The following PAOX variants were observed in gnomAD, a reference collection of about 807,000 sequenced individuals.
The protein encoded by PAOX is polyamine oxidase.
A neutral mutation model predicts 39.0 loss-of-function variants in PAOX; 38 were observed. The ratio of observed to expected loss-of-function variants is 0.97; its 90% CI spans 0.75 to 1.28. The LOEUF is 1.28. Ranked by LOEUF, PAOX falls within the 50% of genes most tolerant of loss-of-function variation. The pLI, the probability that PAOX is intolerant of heterozygous loss-of-function variation, is 0.00. For synonymous variants in PAOX, 311 were observed against 314.4 expected (o/e 0.99, Z 0.11); for missense variants, 667 against 685.7 (o/e 0.97, Z 0.30).
At chr10:133,386,754 G>A (rs369154762) in intron 4 of PAOX, among the ~76,000 whole-genome samples, 8 of 152,194 alleles carry the variant, frequency 5.3e-5, no homozygotes, top group African/African-American at 7.2e-5. Context: ...GATTACAGGC[G>A]TGAGCTACTG....
At chr10:133,388,821 G>C (rs1269776938) in intron 4 of PAOX, 135 bp from the exon 5 acceptor site, 1 of 260,944 alleles carries the variant, frequency 3.8e-6, no homozygotes, top group African/African-American at 4.5e-5. Flanking sequence ...GCTGGACACT[G>C]TCATCCCGGG....
At chr10:133,386,172 G>C (rs1024644024) in intron 4 of PAOX, among the ~76,000 whole-genome samples, 2 of 150,040 alleles carry the variant, frequency 1.3e-5, no homozygotes, top group African/African-American at 2.5e-5. Flanking sequence ...TTATAGGTGT[G>C]TGCCACCATG....
intron 6 of PAOX, chr10:133,391,011 T>G: frequency 1.4e-6 from 1 of 700,112 alleles, no homozygotes; most frequent in Non-Finnish European, 2.6e-6. Flanking sequence ...TGAGCCGTTT[T>G]CCCGCCCGTT....
In PAOX at chr10:133,381,626, C is replaced by T. The variant is rs780195959; in HGVS notation, c.835C>T (p.Pro279Ser). The T allele has an allele frequency of 3.7e-6, 6 of 1,613,180 alleles. No homozygotes were observed. Among genetic ancestry groups the T allele is most frequent in the Non-Finnish European group, 1.7e-6 (2 of 1,180,010 alleles). The change falls in exon 3 of 7, where the codon CCG (proline) becomes TCG (serine). Residue 279 changes from proline to serine, a missense_variant. Pro to Ser is a moderately conservative substitution (Grantham distance 74). Coordinates refer to ENST00000278060, the MANE Select transcript of PAOX (RefSeq NM_152911.4). ...SVECEDGDRF[P>S]AHHVIVTVPL... ...AGAGTGTGAGGATGGAGACCGGTTCCCGGCGCACCATGTCATCGTCACCGT... is the reference window on the plus strand; with the variant it reads ...AGAGTGTGAGGATGGAGACCGGTTCTCGGCGCACCATGTCATCGTCACCGT...
intron 1 of PAOX, 126 bp downstream of exon 1, chr10:133,379,623 G>T (rs547215332): frequency 2.5e-6 from 2 of 806,640 alleles, no homozygotes; most frequent in Non-Finnish European, 3.3e-6. Flanking sequence ...GGGAATCCCC[G>T]CTCGCTTAAT....
At chr10:133,391,282 C>T (rs747312966) in intron 6 of PAOX, 30 bp from the exon 7 acceptor site, 62 of 1,602,448 alleles carry the variant, frequency 3.9e-5, no homozygotes, top group Non-Finnish European at 5.1e-5. Context: ...TGAATTGCAT[C>T]CCCATTCTAA....
At chr10:133,382,968 T>G (rs575501107) in intron 3 of PAOX, 1 of 152,348 alleles carries the variant, frequency 6.6e-6, no homozygotes, top group African/African-American at 2.4e-5. Context: ...TGCTAAGTGC[T>G]GATCACGGGG....
intron 6 of PAOX, chr10:133,391,015 G>A (rs545803100): frequency 1.1e-5 from 8 of 699,162 alleles, no homozygotes; most frequent in Middle Eastern, 2.3e-4. Flanking sequence ...CCGTTTTCCC[G>A]CCCGTTGGTG....
chr10:133,385,684 C>T (rs931124685), intron 4 of PAOX, among the ~76,000 whole-genome samples: 2 of 152,128 alleles, frequency 1.3e-5, no homozygotes, highest in African/African-American at 4.8e-5. Context: ...CCTGGGTTCA[C>T]GCCATTCTCC....
intron 6 of PAOX, 51 bp from the exon 7 acceptor site, chr10:133,391,261 A>T (rs1213549292): frequency 6.4e-7 from 1 of 1,569,292 alleles, no homozygotes; most frequent in Admixed American, 1.7e-5. Context: ...CCTTGCCCAG[A>T]CCCTGCTGTC....
chr10:133,391,266 G>A (rs1589903373), intron 6 of PAOX, 46 bp from the exon 7 acceptor site: 9 of 1,577,210 alleles, frequency 5.7e-6, no homozygotes, highest in Middle Eastern at 1.7e-4. Flanking sequence ...CCCAGACCCT[G>A]CTGTCTGAAT....
Position 133,389,679 on chromosome 10 carries a change from GTGGGCAGTAC to G in PAOX, c.1329_1338del (p.Ser444AlafsTer79). 1 of 1,611,384 alleles carries G rather than the reference GTGGGCAGTAC, an allele frequency of 6.2e-7. No homozygotes were observed. Among genetic ancestry groups the G allele is most frequent in the African/African-American group, 1.3e-5 (1 of 75,004 alleles). On this transcript the variant is annotated frameshift_variant, in exon 6 of 7. Coordinates refer to ENST00000278060, the MANE Select transcript of PAOX (RefSeq NM_152911.4). LOFTEE classifies it high-confidence loss of function. ...TAGGGGGTCCTACAGCTACGTGGCC[GTGGGCAGTAC>G]TGGGGGCGACCTGGACCTGCTGGCT...
In PAOX at chr10:133,384,613, A is replaced by G. The variant is rs1477680143; in HGVS notation, c.1121+401A>G. 6.6e-6 allele frequency among the ~76,000 whole-genome samples: 1 copy of G among 152,168 alleles called. No individual in the cohort carries two copies. The highest frequency in any genetic ancestry group is 1.9e-4 in the East Asian group (1 of 5,188). On this transcript the variant is annotated intron_variant, in intron 4 of 6. Coordinates refer to ENST00000278060, the MANE Select transcript of PAOX (RefSeq NM_152911.4). This position sits in a 1 kb window ranked among gnomAD's most constrained non-coding sequence, Gnocchi z 4.3. The stretch of plus-strand genomic sequence containing the variant: ...AAATAATTGAAGGAAACATTCCGAG[A>G]AGTAATGGAATGGGAGACCCACAGA...
At chr10:133,379,899 C>T (rs535458475) in intron 1 of PAOX, 100 bp from the exon 2 acceptor site, 46 of 1,445,906 alleles carry the variant, frequency 3.2e-5, no homozygotes, top group African/African-American at 3.0e-4. Flanking sequence ...TGTGGTACAT[C>T]CTCCTTGGGA....
intron 4 of PAOX, among the ~76,000 whole-genome samples, chr10:133,385,446 C>T (rs1029586940): frequency 8.4e-6 from 1 of 119,440 alleles, no homozygotes; most frequent in Admixed American, 9.8e-5. Context: ...CAGTGGGACC[C>T]TGAGTGCTTT....
chr10:133,381,056 G>A (rs1287616524), intron 2 of PAOX, among the ~76,000 whole-genome samples: 1 of 152,272 alleles, frequency 6.6e-6, no homozygotes, highest in Non-Finnish European at 1.5e-5. Context: ...GAGGGGGCCA[G>A]ACAGGCCCTC....
rs1849597271 is a variant in PAOX at position 133,388,997 on chromosome 10, C to G, written c.1163C>G (p.Ser388Cys). Residue 388 changes from serine (S) to cysteine (C), a missense_variant, in exon 5 of 7, where the codon TCT (serine) becomes TGT (cysteine). Physicochemically the swap from Ser to Cys is moderately radical, Grantham distance 112. Coordinates refer to ENST00000278060, the MANE Select transcript of PAOX (RefSeq NM_152911.4). ...TGTGGGTTCATTGCCGGACTTGAGT[C>G]TGAGTTCATGGAGACTCTGTCGGAT... is the stretch of plus-strand genomic sequence containing the variant. ...VLCGFIAGLE[S>C]EFMETLSDEE... is the part of the protein sequence containing the mutation. 1.2e-6 allele frequency: 2 copies of G among 1,614,038 alleles called. No individual in the cohort carries two copies. The highest frequency in any genetic ancestry group is 1.7e-6 in the Non-Finnish European group (2 of 1,180,036).
At chr10:133,390,912 C>A (rs1041224644) in intron 6 of PAOX, 3 of 480,388 alleles carry the variant, frequency 6.2e-6, no homozygotes, top group African/African-American at 4.0e-5. Context: ...AAAAGCTGTT[C>A]ACACCTGAGC....
rs781058801 is a variant in PAOX at position 133,380,044 on chromosome 10, G to T, written c.227G>T (p.Arg76Leu). ...GCGCACTGGATCCATGGGCCCTCCC[G>T]GGGTAACCCCGTCTTCCAGCTGGCT... The part of the protein sequence containing the change: ...VGAHWIHGPS[R>L]GNPVFQLAAE... Residue 76 changes from arginine to leucine, a missense_variant, in exon 2 of 7, where the codon CGG (arginine) becomes CTG (leucine). Arg to Leu is a moderately radical substitution (Grantham distance 102, BLOSUM62 -2). Coordinates refer to ENST00000278060, the MANE Select transcript of PAOX (RefSeq NM_152911.4). 3 of 1,523,006 alleles carry T rather than the reference G, an allele frequency of 2.0e-6. No individual in the cohort carries two copies. Among genetic ancestry groups the T allele is most frequent in the Admixed American group, 2.2e-5 (1 of 46,264 alleles). 94.3% of individuals were successfully genotyped at this position (1,523,006 alleles called of 1,614,324 possible).
Sources: gnomAD v4.1 joint callset for allele counts (sites outside exome capture counted in the v4.1 genomes callset) on GRCh38, gnomAD v4.1.1 for gene constraint, Gnocchi (gnomAD v3.1) non-coding constraint, MANE v1.5 for transcripts, NCBI Gene and HGNC (gene_info 2026-07-23, HGNC 2026-07-21) for gene names.